KRCC1: variants seen among roughly 807,000 people sequenced by gnomAD.
KRCC1 encodes the protein lysine-rich coiled-coil protein 1.
In KRCC1, 3 loss-of-function variants were observed where a neutral mutation model predicts 7.4. The observed-to-expected ratio is 0.40, with a 90% CI of 0.18 to 1.04. The LOEUF is 1.04. Ranked by LOEUF, KRCC1 falls within the 50% of genes least tolerant of loss-of-function variation. KRCC1 has a pLI of 0.33. For synonymous variants in KRCC1, 102 were observed against 101.6 expected (o/e 1.00, Z -0.02); for missense variants, 277 against 300.9 (o/e 0.92, Z 0.59).
chr2:88,034,557 T>C (rs1190274857), intron 2 of KRCC1, among the ~76,000 whole-genome samples: 1 of 152,208 alleles, frequency 6.6e-6, no homozygotes, highest in Non-Finnish European at 1.5e-5. Context: ...TCAGTACATG[T>C]ATATAGTGTG....
Position 88,028,182 on chromosome 2 carries a change from C to T in KRCC1, c.382G>A (p.Gly128Ser), listed in dbSNP as rs141468821. The change falls in exon 4 of 4, where the codon GGC (glycine) becomes AGC (serine). Residue 128 changes from glycine to serine, a missense_variant. Physicochemically the swap from Gly to Ser is moderately conservative, Grantham distance 56. Transcript: ENST00000347055. ...LNFNQQEYIC[G>S]SHGVEHRVYK... The stretch of plus-strand genomic sequence containing the variant: ...ACTCTATGTTCTACACCATGTGAGC[C>T]ACAAATATATTCTTGTTGATTAAAG... 3.1e-5 allele frequency: 50 copies of T among 1,614,004 alleles called. No homozygotes were observed. The highest frequency in any genetic ancestry group is 4.1e-5 in the Non-Finnish European group (48 of 1,180,034).
intron 1 of KRCC1, among the ~76,000 whole-genome samples, chr2:88,049,914 G>A (rs1273100823): frequency 6.6e-6 from 1 of 152,230 alleles, no homozygotes; most frequent in East Asian, 1.9e-4. Flanking sequence ...AACATGTCAT[G>A]TGCAGAGCAC....
chr2:88,054,373 C>T (rs1420754065), intron 1 of KRCC1, among the ~76,000 whole-genome samples: 2 of 152,130 alleles, frequency 1.3e-5, no homozygotes, highest in East Asian at 3.8e-4. Context: ...TTTTAAAAGG[C>T]ATTTACTAAA....
rs184511678 is a variant in KRCC1, at chr2:88,027,715, C to T, written c.*69G>A. 131 of 1,372,554 alleles carry T rather than the reference C, an allele frequency of 9.5e-5. 1 individual carries two copies. The highest frequency in any genetic ancestry group is 6.1e-4 in the Admixed American group (26 of 42,500). 85.0% of individuals were successfully genotyped at this position (1,372,554 alleles called of 1,614,324 possible). A position where few individuals can be genotyped will look rare whatever the true frequency, so the allele number is the denominator to read the frequency against. On this transcript the variant is annotated 3_prime_UTR_variant, in exon 4 of 4. Coordinates refer to ENST00000347055, the MANE Select transcript of KRCC1 (RefSeq NM_016618.3). ...TCACATAAGAAAAGTGGTATGAACACGGATATCATAAAACCAAGCTCTCAC... is the reference window on the plus strand; with the variant it reads ...TCACATAAGAAAAGTGGTATGAACATGGATATCATAAAACCAAGCTCTCAC...
At position 88,027,688 on chromosome 2, in the gene KRCC1, A is replaced by G; in HGVS notation, c.*96T>C. 1 of 1,062,770 alleles carries G rather than the reference A, an allele frequency of 9.4e-7. No homozygotes were observed. Among genetic ancestry groups the G allele is most frequent in the East Asian group, 2.4e-5 (1 of 41,390 alleles). The allele number at this position is 1,062,770 out of a possible 1,614,324, so 65.8% of individuals were successfully genotyped here. ...GCCTTTGTTAGAAGTTAAAGAACCT[A>G]TTCACATAAGAAAAGTGGTATGAAC... On this transcript the variant is annotated 3_prime_UTR_variant, in exon 4 of 4. Transcript: ENST00000347055.
intron 1 of KRCC1, among the ~76,000 whole-genome samples, chr2:88,050,863 T>C (rs1673462354): frequency 6.6e-6 from 1 of 152,136 alleles, no homozygotes. Context: ...TTTGGATTTT[T>C]GTGATTAATT....
At chr2:88,051,166 T>C (rs1197333793) in intron 1 of KRCC1, among the ~76,000 whole-genome samples, 1 of 151,974 alleles carries the variant, frequency 6.6e-6, no homozygotes, top group Non-Finnish European at 1.5e-5. Flanking sequence ...GCTCAAGCAA[T>C]CCTCTGGCCT....
chr2:88,042,262 G>T (rs922138155), intron 1 of KRCC1, among the ~76,000 whole-genome samples: 2 of 151,966 alleles, frequency 1.3e-5, no homozygotes, highest in East Asian at 3.9e-4. Context: ...GTGTTTCACT[G>T]TGTTAGCCAA....
intron 1 of KRCC1, among the ~76,000 whole-genome samples, chr2:88,054,586 GC>G (rs1213024821): frequency 6.6e-6 from 1 of 152,062 alleles, no homozygotes; most frequent in African/African-American, 2.4e-5. Flanking sequence ...TGGCCTACTT[GC>G]GTTTTTACAA....
At chr2:88,037,803 T>G (rs1673123125) in intron 1 of KRCC1, among the ~76,000 whole-genome samples, 1 of 152,234 alleles carries the variant, frequency 6.6e-6, no homozygotes, top group African/African-American at 2.4e-5. Flanking sequence ...AGACAAGCCC[T>G]TCAAAGCTAC....
At chr2:88,032,613 T>C (rs1471812440) in intron 3 of KRCC1, among the ~76,000 whole-genome samples, 1 of 152,224 alleles carries the variant, frequency 6.6e-6, no homozygotes, top group Non-Finnish European at 1.5e-5. Flanking sequence ...AATGTTCATA[T>C]AGTTTTATTT....
chr2:88,029,875 T>G (rs1395763247), intron 3 of KRCC1, among the ~76,000 whole-genome samples: 4 of 144,812 alleles, frequency 2.8e-5, no homozygotes, highest in African/African-American at 1.0e-4. Flanking sequence ...TGAGATGGAG[T>G]CTTGCCCTAT....
At chr2:88,028,664 T>TC (rs1553450796) in intron 3 of KRCC1, 79 bp from the exon 4 acceptor site, 73,317 of 720,118 alleles carry the variant, frequency 0.1, 3,183 homozygotes, top group Non-Finnish European at 0.12. Context: ...TTTTTTTTTT[T>TC]CTTGAGATGG....
chr2:88,037,483 G>T (rs1170527951), intron 1 of KRCC1, among the ~76,000 whole-genome samples: 2 of 152,042 alleles, frequency 1.3e-5, no homozygotes, highest in African/African-American at 4.8e-5. Context: ...TTAAAACAGG[G>T]TCTGGCTCTG....
intron 1 of KRCC1, among the ~76,000 whole-genome samples, chr2:88,044,863 ATTTTTT>A (rs11302450): frequency 9.4e-6 from 1 of 105,886 alleles, no homozygotes; most frequent in Non-Finnish European, 2.0e-5. Flanking sequence ...GAGTTTGATA[ATTTTTT>A]TTTTTTTTTT....
At chr2:88,032,446 T>C (rs1388960489) in intron 3 of KRCC1, among the ~76,000 whole-genome samples, 1 of 152,230 alleles carries the variant, frequency 6.6e-6, no homozygotes, top group African/African-American at 2.4e-5. Flanking sequence ...TACAGATTTG[T>C]AGCCTAGGAG....
At chr2:88,049,641 C>A (rs1673423819) in intron 1 of KRCC1, among the ~76,000 whole-genome samples, 1 of 152,140 alleles carries the variant, frequency 6.6e-6, no homozygotes, top group African/African-American at 2.4e-5. Context: ...CGGAGTGAGA[C>A]CCTGTCTCAA....
intron 1 of KRCC1, among the ~76,000 whole-genome samples, chr2:88,046,467 G>C (rs1360327795): frequency 6.6e-6 from 1 of 152,240 alleles, no homozygotes; most frequent in Non-Finnish European, 1.5e-5. Flanking sequence ...AACTGACATA[G>C]TGAGATGTTC....
intron 1 of KRCC1, among the ~76,000 whole-genome samples, chr2:88,037,553 C>T (rs546426383): frequency 2.6e-5 from 4 of 152,262 alleles, no homozygotes; most frequent in South Asian, 2.1e-4. Flanking sequence ...GGAGTACAGG[C>T]GCATGTCACT....
Sources: allele counts gnomAD v4.1 joint callset (sites outside exome capture counted in the v4.1 genomes callset), GRCh38; gene constraint gnomAD v4.1.1; transcripts MANE v1.5; gene names NCBI Gene and HGNC (gene_info 2026-07-23, HGNC 2026-07-21).